The following NSD1 variants were observed in gnomAD, a reference collection of about 807,000 sequenced individuals.
The protein encoded by NSD1 is histone-lysine N-methyltransferase, H3 lysine-36 specific.
In NSD1, 26 loss-of-function variants were observed where a neutral mutation model predicts 242.7. The observed-to-expected ratio is 0.11, with a 90% CI of 0.08 to 0.15. The LOEUF (loss-of-function observed/expected upper bound fraction) is 0.15. Ranked by LOEUF, NSD1 falls within the 10% of genes least tolerant of loss-of-function variation. The probability of loss-of-function intolerance (pLI) is 1.00; values close to 1 mark genes in which losing one functional copy is unlikely to be tolerated. For synonymous variants in NSD1, 1,106 were observed against 1,178.1 expected, an observed-to-expected ratio of 0.94 and a Z score of 1.25; for missense variants, 2,495 against 3,272.8, an observed-to-expected ratio of 0.76 and a Z score of 5.80.
At position 177,291,970 on chromosome 5, in the gene NSD1, C is replaced by A. The variant is rs758308969; in HGVS notation, c.6275C>A (p.Thr2092Lys). The A allele has an allele frequency of 6.2e-7, 1 of 1,613,616 alleles. No individual in the cohort carries two copies. Among genetic ancestry groups the A allele is most frequent in the Admixed American group, 1.7e-5 (1 of 59,896 alleles). The stretch of plus-strand genomic sequence containing the variant: ...GACCTGTAGAATCAACCCATTGCCA[C>A]GGAAGAAAAGTCAAAGAAATTCAAG... ...GVRPKNQPIATEEKSKKFKKK... is the reference protein window; with the variant it reads ...GVRPKNQPIAKEEKSKKFKKK... Residue 2092 changes from threonine to lysine, a missense_variant, in exon 22 of 23, where the codon ACG (threonine) becomes AAG (lysine). By Grantham distance (78) the Thr-to-Lys change is moderately conservative (BLOSUM62 -1). This residue lies in a region of NSD1 where 27 missense variants were observed against 33.4 expected (regional missense o/e 0.81). Transcript: ENST00000439151.
At chr5:177,217,750 C>T (rs1376017839) in intron 5 of NSD1, among the ~76,000 whole-genome samples, 10 of 150,036 alleles carry the variant, frequency 6.7e-5, no homozygotes, top group African/African-American at 2.2e-4. Context: ...TCACTGCAAC[C>T]TCCACCTCCC....
At chr5:177,252,539 C>CT (rs70991600) in intron 12 of NSD1, among the ~76,000 whole-genome samples, 2,588 of 47,358 alleles carry the variant, frequency 0.055, 406 homozygotes, top group African/African-American at 0.1. Context: ...GTAAAGTGTT[C>CT]TTTTTTTTTT....
intron 5 of NSD1, among the ~76,000 whole-genome samples, chr5:177,218,874 T>C (rs954830478): frequency 6.1e-5 from 9 of 147,024 alleles, no homozygotes; most frequent in South Asian, 2.2e-4. Context: ...CGGCCCCCCC[T>C]TTTTTTTTTC....
intron 5 of NSD1, among the ~76,000 whole-genome samples, chr5:177,214,883 A>G (rs1038172920): frequency 6.6e-6 from 1 of 152,022 alleles, no homozygotes; most frequent in Non-Finnish European, 1.5e-5. Flanking sequence ...TTGTATTTTT[A>G]GTAGAGACAG....
At position 177,293,869 on chromosome 5, in the gene NSD1, C is replaced by T. The variant is rs545207228; in HGVS notation, c.6501C>T (p.Cys2167=). The T allele has an allele frequency of 6.2e-6, 10 of 1,614,044 alleles. No homozygotes were observed. Among genetic ancestry groups the T allele is most frequent in the African/African-American group, 5.3e-5 (4 of 74,980 alleles). Residue 2167 remains cysteine (C), a synonymous_variant, in exon 23 of 23, where the codon TGC becomes TGT. Coordinates refer to ENST00000439151, the MANE Select transcript of NSD1 (RefSeq NM_022455.5). ...WECPWHQCDI[C]GKEAASFCEM... ...GTCCGTGGCATCAGTGTGACATCTG[C>T]GGGAAGGAAGCAGCCTCCTTCTGTG...
intron 4 of NSD1, among the ~76,000 whole-genome samples, chr5:177,207,465 G>A (rs1470716650): frequency 3.3e-5 from 5 of 150,794 alleles, no homozygotes; most frequent in Non-Finnish European, 5.9e-5. Context: ...TATATTTTTA[G>A]TATAGACGGG....
chr5:177,294,813 A>C lies in NSD1; in HGVS notation c.7445A>C (p.Lys2482Thr). 6.2e-7 allele frequency: 1 copy of C among 1,612,986 alleles called. No individual in the cohort carries two copies. The highest frequency in any genetic ancestry group is 8.5e-7 in the Non-Finnish European group (1 of 1,180,028). Residue 2482 changes from lysine to threonine, a missense_variant, in exon 23 of 23, where the codon AAG becomes ACG. By Grantham distance (78) the Lys-to-Thr change is moderately conservative. This residue lies in a region of NSD1 where 475 missense variants were observed against 563.7 expected (regional missense o/e 0.84). Coordinates refer to ENST00000439151, the MANE Select transcript of NSD1 (RefSeq NM_022455.5). ...CAGGTCACACCACAGGCTGATGAGA[A>C]GATGCCAGTGTTGGAGTCAAGTTCA... ...PHQVTPQADE[K>T]MPVLESSSWP...
intron 5 of NSD1, 73 bp from the exon 6 acceptor site, chr5:177,235,748 A>C (rs1765392161): frequency 6.3e-7 from 1 of 1,598,480 alleles, no homozygotes; most frequent in African/African-American, 1.3e-5. Context: ...TGGGAGTATC[A>C]GATGGTCTCA....
At chr5:177,205,409 A>G (rs1382605861) in intron 4 of NSD1, among the ~76,000 whole-genome samples, 1 of 151,944 alleles carries the variant, frequency 6.6e-6, no homozygotes, top group African/African-American at 2.4e-5. Flanking sequence ...TACTCTAGTT[A>G]TATTTCAACC....
chr5:177,283,813 A>G lies in NSD1; in HGVS notation c.6036A>G (p.Lys2012=). The G allele has an allele frequency of 1.2e-6, 2 of 1,614,224 alleles. No homozygotes were observed. The highest frequency in any genetic ancestry group is 1.7e-6 in the Non-Finnish European group (2 of 1,180,036). ...DKDRIIDAGP[K]GNYARFMNHC... is the part of the protein sequence containing the mutation. ...ACCGAATCATTGATGCTGGTCCCAA[A>G]GGAAACTATGCTCGGTTCATGAATC... The change falls in exon 20 of 23, where the codon AAA becomes AAG. Residue 2012 remains lysine, a synonymous_variant. Coordinates refer to ENST00000439151, the MANE Select transcript of NSD1 (RefSeq NM_022455.5).
chr5:177,266,648 ATTT>A, intron 14 of NSD1: 1 of 430,212 alleles, frequency 2.3e-6, no homozygotes, highest in Non-Finnish European at 3.9e-6. Flanking sequence ...CTATAGTAGG[ATTT>A]TAAGAGGTGA....
At chr5:177,169,941 ATG>A (rs1408715676) in intron 2 of NSD1, among the ~76,000 whole-genome samples, 3 of 115,270 alleles carry the variant, frequency 2.6e-5, no homozygotes, top group East Asian at 8.1e-4. Flanking sequence ...TGAGGTTATC[ATG>A]TGTTATTTTG....
chr5:177,182,987 G>A (rs952709500), intron 2 of NSD1, among the ~76,000 whole-genome samples: 3 of 152,042 alleles, frequency 2.0e-5, no homozygotes, highest in African/African-American at 4.8e-5. Context: ...ATATTGCCAA[G>A]TATGGTCCTG....
intron 5 of NSD1, among the ~76,000 whole-genome samples, chr5:177,217,744 T>C (rs1235635120): frequency 6.7e-5 from 10 of 149,316 alleles, no homozygotes; most frequent in Admixed American, 6.0e-4. Context: ...CTCGGCTCAC[T>C]GCAACCTCCA....
Position 177,135,380 on chromosome 5 carries a change from G to T in NSD1, c.277G>T (p.Gly93Ter). 6.2e-7 allele frequency: 1 copy of T among 1,612,874 alleles called. No individual in the cohort carries two copies. The highest frequency in any genetic ancestry group is 8.5e-7 in the Non-Finnish European group (1 of 1,178,988). Residue 93 changes from glycine (G) to a stop codon, truncating the protein, a stop_gained, in exon 2 of 23, where the codon GGA (glycine) becomes TGA (stop). Coordinates refer to ENST00000439151, the MANE Select transcript of NSD1 (RefSeq NM_022455.5). LOFTEE classifies it high-confidence loss of function. Reference protein sequence around the residue: ...NVEYLNGSADGSESFQDPEKS... With the variant: ...NVEYLNGSAD ...AGAGTATTTAAATGGGTCTGCTGATGGATCAGAATCCTTTCAAGACCCTGA... is the reference window on the plus strand; with the variant it reads ...AGAGTATTTAAATGGGTCTGCTGATTGATCAGAATCCTTTCAAGACCCTGA...
intron 2 of NSD1, among the ~76,000 whole-genome samples, chr5:177,136,516 A>T (rs1756345466): frequency 6.6e-6 from 1 of 152,050 alleles, no homozygotes; most frequent in Non-Finnish European, 1.5e-5. Flanking sequence ...TTTCTTGGAC[A>T]TTGTCAAAAT....
chr5:177,204,986 C>T (rs190948192), intron 4 of NSD1, among the ~76,000 whole-genome samples: 2 of 152,060 alleles, frequency 1.3e-5, no homozygotes, highest in East Asian at 3.9e-4. Flanking sequence ...TGCTTCTTGC[C>T]ACTTGGACTA....
Position 177,212,192 on chromosome 5 carries a change from C to T in NSD1, c.3793C>T (p.Pro1265Ser), listed in dbSNP as rs2149849757. Reference protein sequence around the residue: ...SLTPQAELPEPAVRSEKKRLR... With the variant: ...SLTPQAELPESAVRSEKKRLR... ...GACACCACAGGCTGAGCTCCCTGAA[C>T]CAGGTAAGGACATCTAAATGTGATA... The change falls in exon 5 of 23, where the codon CCA (proline) becomes TCA (serine). Residue 1265 changes from proline to serine, a missense_variant. Coordinates refer to ENST00000439151, the MANE Select transcript of NSD1 (RefSeq NM_022455.5). The T allele has an allele frequency of 6.2e-7, 1 of 1,612,832 alleles. No homozygotes were observed. The highest frequency in any genetic ancestry group is 8.5e-7 in the Non-Finnish European group (1 of 1,179,822).
At chr5:177,147,498 AG>A (rs1449254824) in intron 2 of NSD1, among the ~76,000 whole-genome samples, 1 of 152,186 alleles carries the variant, frequency 6.6e-6, no homozygotes, top group East Asian at 1.9e-4. Context: ...TGAGTCATAC[AG>A]TATGCAGCCT....
Sources: allele counts gnomAD v4.1 joint callset (sites outside exome capture counted in the v4.1 genomes callset), GRCh38; gene constraint gnomAD v4.1.1; regional missense constraint gnomAD v4.1.1; transcripts MANE v1.5; gene names NCBI Gene and HGNC (gene_info 2026-07-23, HGNC 2026-07-21).